ABLIM1: variants seen among roughly 807,000 people sequenced by gnomAD.
ABLIM1 encodes actin binding LIM protein 1, also known as actin-binding LIM protein 1.
In ABLIM1, 40 loss-of-function variants were observed where a neutral mutation model predicts 107.0. That is an observed-to-expected ratio of 0.37 (90% CI 0.29 to 0.49). The LOEUF (loss-of-function observed/expected upper bound fraction) is 0.49, where lower values mean the gene tolerates loss of function less well. Ranked by LOEUF, ABLIM1 falls within the 20% of genes least tolerant of loss-of-function variation. The pLI is 0.97. For synonymous variants in ABLIM1, 357 were observed against 357.3 expected (o/e 1.00, Z 0.01); for missense variants, 857 against 1,008.5 (o/e 0.85, Z 2.04).
intron 11 of ABLIM1, among the ~76,000 whole-genome samples, chr10:114,467,728 G>T (rs1279938683): frequency 6.6e-6 from 1 of 152,150 alleles, no homozygotes; most frequent in East Asian, 1.9e-4. Flanking sequence ...ATAATATCCA[G>T]AAAGTTGCTT....
At chr10:114,523,147 T>G in intron 6 of ABLIM1, among the ~76,000 whole-genome samples, 1 of 151,998 alleles carries the variant, frequency 6.6e-6, no homozygotes, top group Non-Finnish European at 1.5e-5. Flanking sequence ...CAAGACTCCA[T>G]CTCAAAAAAC....
rs868394037 is a variant in ABLIM1, at chr10:114,441,741, C to G, written c.1979G>C (p.Gly660Ala). The change falls in exon 18 of 23, where the codon GGA becomes GCA. Residue 660 changes from glycine to alanine, a missense_variant. Physicochemically the swap from Gly to Ala is moderately conservative, Grantham distance 60. Transcript: ENST00000533213. ...TCTTACCCGGTGAAGCCCATTTCTTCCATAGCCAGGGAGAGATGCAGTTTT... is the reference window on the plus strand; with the variant it reads ...TCTTACCCGGTGAAGCCCATTTCTTGCATAGCCAGGGAGAGATGCAGTTTT... ...SSKTASLPGY[G>A]RNGLHRPVST... The G allele has an allele frequency of 6.2e-7, 1 of 1,613,952 alleles. No homozygotes were observed. Among genetic ancestry groups the G allele is most frequent in the Non-Finnish European group, 8.5e-7 (1 of 1,179,920 alleles).
intron 1 of ABLIM1, among the ~76,000 whole-genome samples, chr10:114,723,313 G>A (rs1358623071): frequency 6.6e-6 from 1 of 152,146 alleles, no homozygotes; most frequent in African/African-American, 2.4e-5. Context: ...AGAGGGACAT[G>A]CCCCTGTAAA....
At chr10:114,645,516 T>C (rs1317123068) in intron 1 of ABLIM1, among the ~76,000 whole-genome samples, 1 of 152,182 alleles carries the variant, frequency 6.6e-6, no homozygotes, top group African/African-American at 2.4e-5. Flanking sequence ...AGATCCATAT[T>C]TTTATGCTAA....
intron 4 of ABLIM1, among the ~76,000 whole-genome samples, chr10:114,558,808 A>T (rs2069166095): frequency 6.6e-6 from 1 of 152,098 alleles, no homozygotes; most frequent in Admixed American, 6.5e-5. Flanking sequence ...TGTAAAAGAG[A>T]TTCTTTTATG....
At chr10:114,796,698 A>G in the ABLIM1 span, among the ~76,000 whole-genome samples, 2 of 152,046 alleles carry the variant, frequency 1.3e-5, no homozygotes, top group Non-Finnish European at 2.9e-5. Context: ...GAACTACATG[A>G]TCTTTAAGGT....
chr10:114,539,484 A>T (rs1023414319), intron 6 of ABLIM1, among the ~76,000 whole-genome samples: 20 of 152,228 alleles, frequency 1.3e-4, no homozygotes, highest in African/African-American at 4.3e-4. Flanking sequence ...GTGCCTAGAG[A>T]TGGTTATACC....
intron 2 of ABLIM1, among the ~76,000 whole-genome samples, chr10:114,594,751 A>C (rs768818770): frequency 2.0e-5 from 3 of 152,200 alleles, no homozygotes; most frequent in Non-Finnish European, 4.4e-5. Context: ...CTCTGTCTCA[A>C]AACAAAACAA....
At chr10:114,599,885 T>C (rs1254655867) in intron 2 of ABLIM1, among the ~76,000 whole-genome samples, 1 of 151,960 alleles carries the variant, frequency 6.6e-6, no homozygotes, top group African/African-American at 2.4e-5. Context: ...TCATACCAAA[T>C]CTATCCTTTG....
intron 1 of ABLIM1, among the ~76,000 whole-genome samples, chr10:114,710,310 G>T (rs2081520943): frequency 6.6e-6 from 1 of 152,144 alleles, no homozygotes; most frequent in Admixed American, 6.5e-5. Flanking sequence ...AATTTTAAAG[G>T]AAAGAGGTTT....
At chr10:114,715,993 A>T (rs1012338957) in intron 1 of ABLIM1, among the ~76,000 whole-genome samples, 2 of 152,180 alleles carry the variant, frequency 1.3e-5, no homozygotes, top group Non-Finnish European at 2.9e-5. Context: ...CCACTAGGCC[A>T]TCGTAGGGAT....
intron 6 of ABLIM1, among the ~76,000 whole-genome samples, chr10:114,530,616 C>A (rs993205619): frequency 6.6e-6 from 1 of 152,164 alleles, no homozygotes; most frequent in African/African-American, 2.4e-5. Context: ...TTACTGCAAC[C>A]TTCACCTCCT....
At chr10:114,716,814 T>G (rs773999240) in intron 1 of ABLIM1, among the ~76,000 whole-genome samples, 5 of 141,924 alleles carry the variant, frequency 3.5e-5, no homozygotes, top group South Asian at 4.4e-4. Context: ...TAAATTTTAC[T>G]ATAATTGCTT....
intron 1 of ABLIM1, among the ~76,000 whole-genome samples, chr10:114,654,668 C>T (rs944632640): frequency 6.6e-6 from 1 of 152,152 alleles, no homozygotes; most frequent in Non-Finnish European, 1.5e-5. Context: ...CAAGCAGGGC[C>T]CCTGCCCTAA....
intron 1 of ABLIM1, among the ~76,000 whole-genome samples, chr10:114,744,073 C>G (rs1490330519): frequency 1.3e-5 from 2 of 152,148 alleles, no homozygotes; most frequent in African/African-American, 4.8e-5. Flanking sequence ...GGCGTAGAAG[C>G]AGAAGTTTCG....
the ABLIM1 span, among the ~76,000 whole-genome samples, chr10:114,776,324 G>A: frequency 6.6e-6 from 1 of 151,708 alleles, no homozygotes; most frequent in Non-Finnish European, 1.5e-5. Flanking sequence ...GTTAAAAAAC[G>A]TAGTTTTGGG....
intron 4 of ABLIM1, among the ~76,000 whole-genome samples, chr10:114,549,630 A>C (rs2067803911): frequency 6.6e-6 from 1 of 152,158 alleles, no homozygotes; most frequent in African/African-American, 2.4e-5. Context: ...TTATTCTACA[A>C]ATATATTTGC....
At chr10:114,476,997 A>G (rs191391337) in intron 8 of ABLIM1, among the ~76,000 whole-genome samples, 2 of 152,102 alleles carry the variant, frequency 1.3e-5, no homozygotes, top group East Asian at 1.9e-4. Flanking sequence ...TCTTCTCGGT[A>G]ACCCTAGGAG....
chr10:114,507,094 G>A (rs2061257253), intron 6 of ABLIM1, among the ~76,000 whole-genome samples: 1 of 152,174 alleles, frequency 6.6e-6, no homozygotes. Flanking sequence ...AGGGTTAGAG[G>A]AGCCTTCAGG....
Sources: allele counts gnomAD v4.1 joint callset (sites outside exome capture counted in the v4.1 genomes callset), GRCh38; gene constraint gnomAD v4.1.1; transcripts MANE v1.5; gene names NCBI Gene and HGNC (gene_info 2026-07-23, HGNC 2026-07-21).